Variants in GPHN observed in about 807,000 individuals in gnomAD.
GPHN encodes the protein gephyrin.
Under a neutral mutation model 95.5 loss-of-function variants are expected in GPHN, and 17 were observed. The observed-to-expected ratio is 0.18, with a 90% CI of 0.12 to 0.27. GPHN has a LOEUF of 0.27. GPHN is among the 10% of genes least tolerant of loss of function. The pLI is 1.00. For missense variants in GPHN, 660 were observed against 978.1 expected (o/e 0.67, Z 4.34); for synonymous variants, 320 against 322.5 (o/e 0.99, Z 0.08).
intron 3 of GPHN, among the ~76,000 whole-genome samples, chr14:66,812,204 A>G (rs779351777): frequency 1.3e-5 from 2 of 152,236 alleles, no homozygotes; most frequent in Non-Finnish European, 2.9e-5. Context: ...TGAGCTGGGT[A>G]GACTACAAAC....
the GPHN span, among the ~76,000 whole-genome samples, chr14:67,275,305 G>A: frequency 1.3e-5 from 2 of 152,130 alleles, no homozygotes; most frequent in African/African-American, 2.4e-5. Flanking sequence ...TCAATACCTA[G>A]TTTATTGAGA....
chr14:66,753,185 A>G (rs2058435184), intron 2 of GPHN, among the ~76,000 whole-genome samples: 1 of 152,016 alleles, frequency 6.6e-6, no homozygotes, highest in Non-Finnish European at 1.5e-5. Flanking sequence ...GTATTTGACC[A>G]CTTAACTTGT....
intron 21 of GPHN, 70 bp from the exon 22 acceptor site, chr14:67,179,508 C>CA (rs2083209011): frequency 2.3e-5 from 20 of 864,868 alleles, no homozygotes; most frequent in Middle Eastern, 5.3e-4. Context: ...TTGCACAACC[C>CA]CTACTATCTT....
At chr14:67,186,991 A>G in the GPHN span, among the ~76,000 whole-genome samples, 1 of 152,208 alleles carries the variant, frequency 6.6e-6, no homozygotes, top group Non-Finnish European at 1.5e-5. Flanking sequence ...CATTTCAGAC[A>G]GGAAACGGCT....
the GPHN span, among the ~76,000 whole-genome samples, chr14:67,436,536 G>A: frequency 5.6e-4 from 85 of 152,236 alleles, no homozygotes; most frequent in African/African-American, 1.9e-3. Flanking sequence ...CTTTCCATAT[G>A]GAGACCAGGC....
intron 9 of GPHN, among the ~76,000 whole-genome samples, chr14:66,986,264 GT>G (rs2071023124): frequency 6.6e-6 from 1 of 152,054 alleles, no homozygotes; most frequent in Non-Finnish European, 1.5e-5. Context: ...TTTATGTCAT[GT>G]AGTATAATGG....
the GPHN span, among the ~76,000 whole-genome samples, chr14:67,223,049 G>A: frequency 7.4e-6 from 1 of 135,564 alleles, no homozygotes; most frequent in Non-Finnish European, 1.5e-5. Context: ...GCCCAAGCCA[G>A]AGTGCAGTGG....
intron 2 of GPHN, among the ~76,000 whole-genome samples, chr14:66,731,184 C>G (rs560892035): frequency 1.2e-4 from 19 of 152,244 alleles, no homozygotes; most frequent in Admixed American, 4.6e-4. Flanking sequence ...TTGGGTAGTT[C>G]TTTATAGCAG....
the GPHN span, chr14:67,734,212 T>C: frequency 3.5e-6 from 1 of 287,060 alleles, no homozygotes; most frequent in Non-Finnish European, 6.9e-6. Flanking sequence ...AAGAGCACCA[T>C]CACTGCCTAT....
At chr14:67,068,951 A>C (rs1451381307) in intron 11 of GPHN, among the ~76,000 whole-genome samples, 1 of 152,080 alleles carries the variant, frequency 6.6e-6, no homozygotes, top group Non-Finnish European at 1.5e-5. Flanking sequence ...AGTCCTCACC[A>C]AGGTCATACT....
At chr14:67,310,431 GGAT>G in the GPHN span, among the ~76,000 whole-genome samples, 1 of 152,154 alleles carries the variant, frequency 6.6e-6, no homozygotes, top group Admixed American at 6.6e-5. Flanking sequence ...CTAGAAATCA[GGAT>G]GATGTTTATC....
chr14:67,167,208 T>C (rs2082331270), intron 20 of GPHN, among the ~76,000 whole-genome samples: 1 of 152,216 alleles, frequency 6.6e-6, no homozygotes, highest in Non-Finnish European at 1.5e-5. Flanking sequence ...AAACCACTAT[T>C]ACAAGTTTTT....
chr14:67,050,842 G>A (rs964751473), intron 10 of GPHN, among the ~76,000 whole-genome samples: 5 of 151,772 alleles, frequency 3.3e-5, no homozygotes, highest in African/African-American at 1.2e-4. Flanking sequence ...GAAAAGCAGA[G>A]TGGAGTGACA....
chr14:67,734,926 G>A, the GPHN span, among the ~76,000 whole-genome samples: 17,902 of 152,162 alleles, frequency 0.12, 1,088 homozygotes, highest in Admixed American at 0.14. Context: ...GTACAGGGCT[G>A]GGAGTGGATA....
chr14:67,355,317 TC>T, the GPHN span, among the ~76,000 whole-genome samples: 3 of 151,784 alleles, frequency 2.0e-5, no homozygotes, highest in Admixed American at 6.6e-5. Flanking sequence ...TCAATTTTTT[TC>T]CCCATCAGAA....
intron 9 of GPHN, among the ~76,000 whole-genome samples, chr14:66,990,767 A>G (rs2071359975): frequency 1.3e-5 from 2 of 152,004 alleles, no homozygotes; most frequent in South Asian, 4.1e-4. Context: ...AAAAAATTCA[A>G]TTAAATATTT....
intron 4 of GPHN, among the ~76,000 whole-genome samples, chr14:66,868,145 A>G (rs918883280): frequency 3.3e-5 from 5 of 152,178 alleles, no homozygotes; most frequent in South Asian, 2.1e-4. Flanking sequence ...TGGTATTTCA[A>G]AGATAGTCTT....
intron 2 of GPHN, among the ~76,000 whole-genome samples, chr14:66,735,270 A>T (rs2072156697): frequency 6.6e-6 from 1 of 152,164 alleles, no homozygotes. Context: ...GGTAGTTCGC[A>T]GTTTCAGTGT....
At chr14:67,687,836 T>C in the GPHN span, among the ~76,000 whole-genome samples, 6 of 151,028 alleles carry the variant, frequency 4.0e-5, no homozygotes, top group Middle Eastern at 3.2e-3. Flanking sequence ...TGCAATGGCA[T>C]GATCTTGGCT....
Sources: gnomAD v4.1 joint callset for allele counts (sites outside exome capture counted in the v4.1 genomes callset) on GRCh38, gnomAD v4.1.1 for gene constraint, MANE v1.5 for transcripts, NCBI Gene and HGNC (gene_info 2026-07-23, HGNC 2026-07-21) for gene names.